The following DPP10 variants were observed in gnomAD, a reference collection of about 807,000 sequenced individuals.
The protein encoded by DPP10 is dipeptidyl peptidase like 10.
A neutral mutation model predicts 120.9 loss-of-function variants in DPP10; 33 were observed. The ratio of observed to expected loss-of-function variants is 0.27; its 90% CI spans 0.21 to 0.37. The LOEUF is 0.37. DPP10 is among the 10% of genes least tolerant of loss of function. The pLI is 1.00. For synonymous variants in DPP10, 337 were observed against 326.1 expected, an observed-to-expected ratio of 1.03 and a Z score of -0.36; for missense variants, 816 against 942.8, an observed-to-expected ratio of 0.87 and a Z score of 1.76.
At chr2:115,435,287 T>A (rs1260132840) in intron 3 of DPP10, among the ~76,000 whole-genome samples, 1 of 151,802 alleles carries the variant, frequency 6.6e-6, no homozygotes, top group African/African-American at 2.4e-5. Flanking sequence ...GTGGCTGTAC[T>A]AATTTACATT....
intron 19 of DPP10, among the ~76,000 whole-genome samples, chr2:115,797,386 A>C (rs1055404198): frequency 6.6e-6 from 1 of 152,012 alleles, no homozygotes; most frequent in Non-Finnish European, 1.5e-5. Flanking sequence ...AATAACTTCC[A>C]ACATCATTTG....
chr2:115,038,291 G>A (rs955032835), intron 1 of DPP10, among the ~76,000 whole-genome samples: 9 of 146,902 alleles, frequency 6.1e-5, no homozygotes, highest in African/African-American at 2.2e-4. Context: ...TATTTTTTGA[G>A]ATGGAGTCTC....
At chr2:115,399,784 GA>G in intron 3 of DPP10, among the ~76,000 whole-genome samples, 1 of 152,146 alleles carries the variant, frequency 6.6e-6, no homozygotes, top group East Asian at 1.9e-4. Flanking sequence ...TCTCTTTACT[GA>G]ACTTCTTCTA....
At chr2:114,588,112 G>A (rs1269186902) in intron 1 of DPP10, among the ~76,000 whole-genome samples, 1 of 152,044 alleles carries the variant, frequency 6.6e-6, no homozygotes, top group Admixed American at 6.6e-5. Flanking sequence ...ATCTACTTTT[G>A]TCTCATTTAC....
chr2:114,470,039 C>T (rs1335491211), intron 1 of DPP10, among the ~76,000 whole-genome samples: 1 of 152,194 alleles, frequency 6.6e-6, no homozygotes, highest in Non-Finnish European at 1.5e-5. Flanking sequence ...GAGTGTTTCC[C>T]TTTGTTGTTC....
At chr2:114,638,548 A>C (rs983050612) in intron 1 of DPP10, among the ~76,000 whole-genome samples, 1 of 151,898 alleles carries the variant, frequency 6.6e-6, no homozygotes. Context: ...TAATTATCAG[A>C]GAAATGCAAC....
intron 1 of DPP10, among the ~76,000 whole-genome samples, chr2:114,773,946 G>A (rs1681496097): frequency 6.6e-6 from 1 of 151,656 alleles, no homozygotes; most frequent in African/African-American, 2.4e-5. Context: ...TATAGCTTTT[G>A]AAGTATAACT....
At chr2:114,899,313 A>G (rs757273618) in intron 1 of DPP10, among the ~76,000 whole-genome samples, 1 of 152,110 alleles carries the variant, frequency 6.6e-6, no homozygotes, top group African/African-American at 2.4e-5. Flanking sequence ...GAAATAAAAT[A>G]GACAACCACG....
At chr2:115,702,772 CT>C (rs1283727796) in intron 7 of DPP10, among the ~76,000 whole-genome samples, 1 of 152,038 alleles carries the variant, frequency 6.6e-6, no homozygotes, top group East Asian at 1.9e-4. Flanking sequence ...ATAAAATTGA[CT>C]GTGATAATAG....
chr2:115,132,539 C>T (rs2050414639), intron 1 of DPP10, among the ~76,000 whole-genome samples: 1 of 152,092 alleles, frequency 6.6e-6, no homozygotes, highest in Non-Finnish European at 1.5e-5. Flanking sequence ...ATACTAGAAT[C>T]AGGTTGGAAT....
intron 1 of DPP10, among the ~76,000 whole-genome samples, chr2:114,468,397 CAAAAAAAAAA>C (rs71297186): frequency 1.3e-4 from 9 of 69,552 alleles, no homozygotes; most frequent in African/African-American, 4.8e-4. Flanking sequence ...GCTTACAATG[CAAAAAAAAAA>C]AAAAAAAAAA....
At chr2:115,012,382 A>C (rs1427610127) in intron 1 of DPP10, among the ~76,000 whole-genome samples, 1 of 151,976 alleles carries the variant, frequency 6.6e-6, no homozygotes, top group Non-Finnish European at 1.5e-5. Context: ...ACCAACACAA[A>C]ACCAGCACAT....
chr2:115,345,225 G>A (rs1521075), intron 3 of DPP10, among the ~76,000 whole-genome samples: 119,843 of 152,148 alleles, frequency 0.79, 47,420 homozygotes, highest in Non-Finnish European at 0.83. Context: ...ACAAGGTAGC[G>A]TTTTTCTTAA....
At chr2:115,763,197 CA>C (rs1680318582) in intron 12 of DPP10, among the ~76,000 whole-genome samples, 1 of 152,070 alleles carries the variant, frequency 6.6e-6, no homozygotes. Context: ...GTGAGTTTTG[CA>C]AAGGGAAATA....
At chr2:115,034,847 C>G (rs895071256) in intron 1 of DPP10, among the ~76,000 whole-genome samples, 1 of 152,176 alleles carries the variant, frequency 6.6e-6, no homozygotes, top group African/African-American at 2.4e-5. Context: ...TTAGTTCTTT[C>G]AGGCTGTCCA....
chr2:114,459,819 A>T (rs4849334), intron 1 of DPP10, among the ~76,000 whole-genome samples: 25,033 of 152,028 alleles, frequency 0.16, 2,248 homozygotes, highest in South Asian at 0.29. Context: ...TATGTTTTTA[A>T]TATTTCTTGA....
At chr2:114,710,346 A>G (rs973522329) in intron 1 of DPP10, among the ~76,000 whole-genome samples, 7 of 152,246 alleles carry the variant, frequency 4.6e-5, no homozygotes, top group African/African-American at 1.4e-4. Context: ...CTGCTATACA[A>G]TAAGTTGCTT....
chr2:115,702,511 A>G (rs1393619931), intron 7 of DPP10, among the ~76,000 whole-genome samples: 1 of 152,138 alleles, frequency 6.6e-6, no homozygotes, highest in Non-Finnish European at 1.5e-5. Flanking sequence ...ATACAATGAA[A>G]TTATTCAGCC....
chr2:114,481,583 A>G (rs923034897), intron 1 of DPP10, among the ~76,000 whole-genome samples: 2 of 152,150 alleles, frequency 1.3e-5, no homozygotes, highest in Non-Finnish European at 2.9e-5. Flanking sequence ...CTTTACTTAA[A>G]TAATTGTGGT....
Sources: allele counts gnomAD v4.1 joint callset (sites outside exome capture counted in the v4.1 genomes callset), GRCh38; gene constraint gnomAD v4.1.1; transcripts MANE v1.5; gene names NCBI Gene and HGNC (gene_info 2026-07-23, HGNC 2026-07-21).